Variants in IFFO2 observed in about 807,000 individuals in gnomAD.
IFFO2 encodes the protein intermediate filament family orphan 2.
Under a neutral mutation model 53.5 loss-of-function variants are expected in IFFO2, and 19 were observed. That is an observed-to-expected ratio of 0.36 (90% CI 0.25 to 0.52). IFFO2 has a LOEUF of 0.52. IFFO2 is among the 20% of genes least tolerant of loss of function. The pLI is 0.94. For synonymous variants in IFFO2, 303 were observed against 313.6 expected (o/e 0.97, Z 0.36); for missense variants, 570 against 727.4 (o/e 0.78, Z 2.49).
rs1380646625 is a variant in IFFO2 at position 18,921,147 on chromosome 1, G to T, written c.666-26C>A. ...CTGCAAAAGCCAAGAGGAACAGGTG[G>T]TCAGAAGGTGAGTTCCCTGTGCCAG... On this transcript the variant is annotated intron_variant, in intron 1 of 8. Transcript: ENST00000455833. 5.8e-6 allele frequency: 9 copies of T among 1,549,408 alleles called. No individual in the cohort carries two copies. In the African/African-American group the frequency reaches 6.8e-5, roughly 12 times the overall value.
chr1:18,923,414 C>G (rs796209941), intron 1 of IFFO2, among the ~76,000 whole-genome samples: 4 of 152,328 alleles, frequency 2.6e-5, no homozygotes, highest in African/African-American at 9.6e-5. Flanking sequence ...GCCCCAAATC[C>G]ACCCAAGGTG....
chr1:18,953,958 C>T (rs1277238750), intron 1 of IFFO2, among the ~76,000 whole-genome samples: 1 of 152,210 alleles, frequency 6.6e-6, no homozygotes, highest in Non-Finnish European at 1.5e-5. Flanking sequence ...CAGTGGCAGA[C>T]AGGAGGGCCC....
intron 5 of IFFO2, among the ~76,000 whole-genome samples, chr1:18,913,486 C>G (rs182976620): frequency 1.3e-5 from 2 of 152,360 alleles, no homozygotes; most frequent in African/African-American, 4.8e-5. Flanking sequence ...TCGGAAGAGG[C>G]CTCCACTTCA....
In IFFO2 at chr1:18,917,140, G is replaced by A; in HGVS notation, c.964-98C>T. ...GGGAGCCGGCATCTCACAGGATGATGAGCGTGACTGGGGCCGGCCAGTGCC... is the reference window on the plus strand; with the variant it reads ...GGGAGCCGGCATCTCACAGGATGATAAGCGTGACTGGGGCCGGCCAGTGCC... On this transcript the variant is annotated intron_variant, in intron 4 of 8. Transcript: ENST00000455833. The surrounding 1 kb of genome is among the most constrained non-coding windows in gnomAD (Gnocchi z 5.9). The A allele has an allele frequency of 2.2e-6, 3 of 1,363,604 alleles. No individual in the cohort carries two copies. Among genetic ancestry groups the A allele is most frequent in the Non-Finnish European group, 2.0e-6 (2 of 1,001,256 alleles). The allele number at this position is 1,363,604 out of a possible 1,614,324, so 84.5% of individuals were successfully genotyped here.
chr1:18,954,076 C>T (rs903532966), intron 1 of IFFO2, among the ~76,000 whole-genome samples: 1 of 152,226 alleles, frequency 6.6e-6, no homozygotes, highest in Non-Finnish European at 1.5e-5. Flanking sequence ...TGTGGCAAGG[C>T]ACCAGGCGGG....
intron 1 of IFFO2, among the ~76,000 whole-genome samples, chr1:18,951,075 C>A (rs1936654198): frequency 1.3e-5 from 2 of 152,188 alleles, no homozygotes. Context: ...CCCCTCTGGG[C>A]CTTGGTTTCC....
chr1:18,908,445 A>C lies in IFFO2; in HGVS notation c.*116T>G. 1.4e-6 allele frequency: 1 copy of C among 716,404 alleles called. No individual in the cohort carries two copies. Among genetic ancestry groups the C allele is most frequent in the Non-Finnish European group, 2.5e-6 (1 of 404,928 alleles). 44.4% of individuals were successfully genotyped at this position (716,404 alleles called of 1,614,324 possible). A position where few individuals can be genotyped will look rare whatever the true frequency, so the allele number is the denominator to read the frequency against. ...TCAGGGCCTCCAGAGAAGGGAGGGCAGAGAAAGTCTGTGTGGTGTGGCTTC... is the reference window on the plus strand; with the variant it reads ...TCAGGGCCTCCAGAGAAGGGAGGGCCGAGAAAGTCTGTGTGGTGTGGCTTC... On this transcript the variant is annotated 3_prime_UTR_variant, in exon 9 of 9. Coordinates refer to ENST00000455833, the MANE Select transcript of IFFO2 (RefSeq NM_001136265.2).
Position 18,937,139 on chromosome 1 carries a change from G to A in IFFO2, c.666-16018C>T, listed in dbSNP as rs1936460059. ...AGCTGCCTGCCATGCCGCTGGTAAG[G>A]GGAGGAGAACATTCCAGAGCAATCT... is the stretch of plus-strand genomic sequence containing the variant. On this transcript the variant is annotated intron_variant, in intron 1 of 8. Coordinates refer to ENST00000455833, the MANE Select transcript of IFFO2 (RefSeq NM_001136265.2). Among the ~76,000 whole-genome samples the A allele has an allele frequency of 3.9e-5, 6 of 152,150 alleles. 2 individuals are homozygous for A. In the South Asian group the frequency reaches 1.2e-3, roughly 32 times the overall value.
intron 1 of IFFO2, among the ~76,000 whole-genome samples, chr1:18,932,146 A>G (rs530078720): frequency 5.3e-5 from 8 of 152,252 alleles, no homozygotes; most frequent in African/African-American, 1.9e-4. Flanking sequence ...GTGATTTCCA[A>G]TCCCTAAGCC....
In IFFO2 at chr1:18,955,267, A is replaced by G. The variant is rs1936708830; in HGVS notation, c.665+401T>C. Among the ~76,000 whole-genome samples the G allele has an allele frequency of 2.6e-5, 4 of 152,300 alleles. 1 individual carries two copies. The South Asian group carries it at 8.3e-4, about 32-fold the overall frequency. ...CTCTGGTTGAAATCCCGGTTTCACC[A>G]CTTACTCGCCAAGCCACCTTAGGCA... On this transcript the variant is annotated intron_variant, in intron 1 of 8. Transcript: ENST00000455833.
chr1:18,942,331 T>C (rs1189873258), intron 1 of IFFO2, among the ~76,000 whole-genome samples: 2 of 152,224 alleles, frequency 1.3e-5, no homozygotes, highest in Non-Finnish European at 2.9e-5. Flanking sequence ...TGTCTGGGGA[T>C]GTGGCCTGAC....
rs997779540 is a variant in IFFO2, at chr1:18,919,394, G to A, written c.822+284C>T. Among the ~76,000 whole-genome samples the A allele has an allele frequency of 6.6e-6, 1 of 151,916 alleles. No individual in the cohort carries two copies. The highest frequency in any genetic ancestry group is 1.5e-5 in the Non-Finnish European group (1 of 68,010). On this transcript the variant is annotated intron_variant, in intron 3 of 8. Coordinates refer to ENST00000455833, the MANE Select transcript of IFFO2 (RefSeq NM_001136265.2). This position sits in a 1 kb window ranked among gnomAD's most constrained non-coding sequence, Gnocchi z 4.9. Reference sequence around the variant, plus strand: ...CAAGGCGAGCTGGGAAGGAGTGGGAGCAAACACACACAGACCATCAGGGGA... The same window carrying A: ...CAAGGCGAGCTGGGAAGGAGTGGGAACAAACACACACAGACCATCAGGGGA...
At chr1:18,924,152 C>T (rs1936251419) in intron 1 of IFFO2, among the ~76,000 whole-genome samples, 2 of 152,224 alleles carry the variant, frequency 1.3e-5, no homozygotes, top group African/African-American at 4.8e-5. Flanking sequence ...CTGGCTCCGC[C>T]AGCTCCAGTG....
chr1:18,940,607 GGACA>G (rs763679264), intron 1 of IFFO2, among the ~76,000 whole-genome samples: 1 of 148,228 alleles, frequency 6.7e-6, no homozygotes, highest in African/African-American at 2.5e-5. Context: ...ATGGATGGAT[GGACA>G]GACGGACGGA....
intron 1 of IFFO2, among the ~76,000 whole-genome samples, chr1:18,950,778 C>T (rs1444945013): frequency 2.0e-5 from 3 of 152,164 alleles, no homozygotes; most frequent in Non-Finnish European, 4.4e-5. Flanking sequence ...CGGGAATGGG[C>T]GGGGGACACT....
chr1:18,919,836 G>T lies in IFFO2; in HGVS notation c.727-63C>A. The T allele has an allele frequency of 8.3e-7, 1 of 1,198,426 alleles. No individual in the cohort carries two copies. The highest frequency in any genetic ancestry group is 1.2e-6 in the Non-Finnish European group (1 of 831,198). 74.2% of individuals were successfully genotyped at this position (1,198,426 alleles called of 1,614,324 possible). On this transcript the variant is annotated intron_variant, in intron 2 of 8. Coordinates refer to ENST00000455833, the MANE Select transcript of IFFO2 (RefSeq NM_001136265.2). The surrounding 1 kb of genome is among the most constrained non-coding windows in gnomAD (Gnocchi z 4.9). ...GGTCCTCTGGGGATAGGAGGGTCTG[G>T]ACACCTGAGTCCAGAGCCCTAGGCA... is the stretch of plus-strand genomic sequence containing the variant.
intron 1 of IFFO2, among the ~76,000 whole-genome samples, chr1:18,926,620 A>G (rs1483544205): frequency 6.6e-6 from 1 of 152,176 alleles, no homozygotes; most frequent in African/African-American, 2.4e-5. Context: ...AGGAGCCACC[A>G]CTGGAACCAC....
intron 1 of IFFO2, among the ~76,000 whole-genome samples, chr1:18,935,409 C>T (rs757472750): frequency 3.9e-5 from 6 of 152,002 alleles, no homozygotes; most frequent in African/African-American, 1.5e-4. Flanking sequence ...CCCAACACCT[C>T]CAGCCCCCCT....
At chr1:18,946,415 T>C (rs1003498375) in intron 1 of IFFO2, among the ~76,000 whole-genome samples, 20 of 141,766 alleles carry the variant, frequency 1.4e-4, no homozygotes, top group Non-Finnish European at 2.5e-4. Flanking sequence ...CTTTCTTTTT[T>C]TTTTTTTTTT....
Sources: gnomAD v4.1 joint callset for allele counts (sites outside exome capture counted in the v4.1 genomes callset) on GRCh38, gnomAD v4.1.1 for gene constraint, Gnocchi (gnomAD v3.1) non-coding constraint, MANE v1.5 for transcripts, NCBI Gene and HGNC (gene_info 2026-07-23, HGNC 2026-07-21) for gene names.